The following NAALADL2 variants were observed in gnomAD, a reference collection of about 807,000 sequenced individuals.
The protein encoded by NAALADL2 is inactive N-acetylated-alpha-linked acidic dipeptidase-like protein 2.
In NAALADL2, 76 loss-of-function variants were observed where a neutral mutation model predicts 87.2. The ratio of observed to expected loss-of-function variants is 0.87; its 90% confidence interval spans 0.72 to 1.05. The LOEUF (loss-of-function observed/expected upper bound fraction) is 1.05. Ranked by LOEUF, NAALADL2 falls within the 50% of genes least tolerant of loss-of-function variation. The pLI is 0.00. For synonymous variants in NAALADL2, 354 were observed against 331.0 expected, an observed-to-expected ratio of 1.07 and a Z score of -0.75; for missense variants, 1,089 against 945.8, an observed-to-expected ratio of 1.15 and a Z score of -1.99.
intron 2 of NAALADL2, among the ~76,000 whole-genome samples, chr3:175,168,278 T>G (rs2108889843): frequency 6.6e-6 from 1 of 151,966 alleles, no homozygotes; most frequent in African/African-American, 2.4e-5. Flanking sequence ...AAATCTGCAC[T>G]TTTAGGAACT....
At chr3:175,178,178 G>A (rs1222851919) in intron 2 of NAALADL2, among the ~76,000 whole-genome samples, 1 of 151,848 alleles carries the variant, frequency 6.6e-6, no homozygotes, top group Non-Finnish European at 1.5e-5. Context: ...GTTAATCTAG[G>A]TAAAGTACTT....
chr3:175,160,531 T>A lies in NAALADL2; in HGVS notation c.545+63240T>A, dbSNP rs373939055. On this transcript the variant is annotated intron_variant, in intron 2 of 13. Coordinates refer to ENST00000454872, the MANE Select transcript of NAALADL2 (RefSeq NM_207015.3). ...CCACATCCAGCTAATTTTGTATTTTTAATAGAGACGGGGTTTCTCCATACT... is the reference window on the plus strand; with the variant it reads ...CCACATCCAGCTAATTTTGTATTTTAAATAGAGACGGGGTTTCTCCATACT... 1.1e-4 allele frequency among the ~76,000 whole-genome samples: 16 copies of A among 151,974 alleles called. No individual in the cohort carries two copies. The South Asian group carries it at 1.9e-3, about 18-fold the overall frequency.
intron 11 of NAALADL2, among the ~76,000 whole-genome samples, chr3:175,685,351 AAAAT>A (rs1297982861): frequency 2.6e-5 from 4 of 152,130 alleles, no homozygotes; most frequent in African/African-American, 9.7e-5. Context: ...CATAAATAGT[AAAAT>A]AAATGAGAAA....
intron 2 of NAALADL2, among the ~76,000 whole-genome samples, chr3:175,113,939 G>A (rs1724645637): frequency 6.6e-6 from 1 of 151,634 alleles, no homozygotes; most frequent in Admixed American, 6.6e-5. Context: ...GGTAGTTTGT[G>A]CCTCTGCTCA....
At chr3:174,575,760 G>A (rs1355373365) in intron 2 of NAALADL2, among the ~76,000 whole-genome samples, 2 of 152,170 alleles carry the variant, frequency 1.3e-5, no homozygotes, top group Non-Finnish European at 2.9e-5. Context: ...CATTTCAGCT[G>A]TACATTTATT....
chr3:175,119,797 A>T (rs1725864143), intron 2 of NAALADL2, among the ~76,000 whole-genome samples: 1 of 112,962 alleles, frequency 8.9e-6, no homozygotes, highest in Non-Finnish European at 1.9e-5. Context: ...GTATATATAT[A>T]CTTATGTATC....
At chr3:175,120,450 C>T (rs1005884223) in intron 2 of NAALADL2, among the ~76,000 whole-genome samples, 1 of 151,762 alleles carries the variant, frequency 6.6e-6, no homozygotes, top group Non-Finnish European at 1.5e-5. Context: ...AAGCCAAGAA[C>T]TTAATCTCAT....
At chr3:175,773,136 C>A (rs1749732713) in intron 13 of NAALADL2, 1 of 152,000 alleles carries the variant, frequency 6.6e-6, no homozygotes, top group South Asian at 2.1e-4. Context: ...TCAAGAAAAC[C>A]TTACTGAAAG....
intron 5 of NAALADL2, among the ~76,000 whole-genome samples, chr3:175,420,891 T>C (rs1386959113): frequency 2.6e-5 from 4 of 152,018 alleles, no homozygotes; most frequent in African/African-American, 7.2e-5. Context: ...TCCTAGTATA[T>C]ATGTTTGCCT....
chr3:175,138,554 C>A (rs1298755697), intron 2 of NAALADL2, among the ~76,000 whole-genome samples: 1 of 151,496 alleles, frequency 6.6e-6, no homozygotes, highest in African/African-American at 2.4e-5. Context: ...TTTTTGCCAC[C>A]AAATGAGTTT....
intron 2 of NAALADL2, among the ~76,000 whole-genome samples, chr3:174,619,887 A>G (rs1720831175): frequency 6.6e-6 from 1 of 152,018 alleles, no homozygotes; most frequent in South Asian, 2.1e-4. Flanking sequence ...TCAAATAGTT[A>G]TTATATACTA....
intron 3 of NAALADL2, among the ~76,000 whole-genome samples, chr3:174,801,185 G>A (rs1472450041): frequency 6.6e-6 from 1 of 152,164 alleles, no homozygotes; most frequent in Non-Finnish European, 1.5e-5. Flanking sequence ...GAATTATATG[G>A]TTTGACTGTG....
At chr3:175,231,950 A>G (rs1483839609) in intron 2 of NAALADL2, among the ~76,000 whole-genome samples, 1 of 152,092 alleles carries the variant, frequency 6.6e-6, no homozygotes, top group Non-Finnish European at 1.5e-5. Flanking sequence ...GGGTAGGAAA[A>G]GGTAGAGAAC....
chr3:174,741,909 ATGGTCTCTTGT>A (rs1383438533), intron 3 of NAALADL2, among the ~76,000 whole-genome samples: 1 of 151,722 alleles, frequency 6.6e-6, no homozygotes, highest in African/African-American at 2.4e-5. Flanking sequence ...AATATGACAT[ATGGTCTCTTGT>A]TAACTTACAT....
rs1488734864 is a variant in NAALADL2, at chr3:175,436,490, C to G, written c.1091-10739C>G. Among the ~76,000 whole-genome samples the G allele has an allele frequency of 6.4e-3, 919 of 144,370 alleles. 32 individuals carry two copies. Among genetic ancestry groups the G allele is most frequent in the African/African-American group, 0.024 (894 of 37,624 alleles). The allele number at this position is 144,370 out of a possible 152,430, so 94.7% of individuals were successfully genotyped here. ...CAACAGTGTAAAAGTGTTCCTATTT[C>G]TCCACATCCTCTCCAGCACCTGTTG... On this transcript the variant is annotated intron_variant, in intron 5 of 13. Coordinates refer to ENST00000454872, the MANE Select transcript of NAALADL2 (RefSeq NM_207015.3).
intron 11 of NAALADL2, among the ~76,000 whole-genome samples, chr3:175,656,775 C>G (rs1317380975): frequency 6.6e-6 from 1 of 151,450 alleles, no homozygotes; most frequent in Non-Finnish European, 1.5e-5. Flanking sequence ...GGGGAGTAAC[C>G]AAATTCATTA....
At chr3:174,913,804 G>T (rs899956242) in intron 1 of NAALADL2, among the ~76,000 whole-genome samples, 1 of 151,822 alleles carries the variant, frequency 6.6e-6, no homozygotes, top group Non-Finnish European at 1.5e-5. Flanking sequence ...AAATCATTTT[G>T]TGTATTGAAA....
chr3:174,803,424 T>C (rs1719072382), intron 3 of NAALADL2, among the ~76,000 whole-genome samples: 1 of 152,154 alleles, frequency 6.6e-6, no homozygotes, highest in Admixed American at 6.5e-5. Context: ...ATTCTGTAGG[T>C]TGCCTGTTCA....
chr3:175,487,093 T>C (rs1255083385), intron 9 of NAALADL2, among the ~76,000 whole-genome samples: 2 of 152,192 alleles, frequency 1.3e-5, no homozygotes, highest in East Asian at 1.9e-4. Flanking sequence ...AAAGTCCTTA[T>C]AATGGCCGGA....
Sources: allele counts gnomAD v4.1 joint callset (sites outside exome capture counted in the v4.1 genomes callset), GRCh38; gene constraint gnomAD v4.1.1; transcripts MANE v1.5; gene names NCBI Gene and HGNC (gene_info 2026-07-23, HGNC 2026-07-21).